TBX1: variants seen among roughly 807,000 people sequenced by gnomAD.
TBX1 encodes the protein T-box transcription factor 1.
In TBX1, 16 loss-of-function variants were observed where a neutral mutation model predicts 40.8. The ratio of observed to expected loss-of-function variants is 0.39; its 90% CI spans 0.27 to 0.60. The LOEUF is 0.60. Ranked by LOEUF, TBX1 falls within the 20% of genes least tolerant of loss-of-function variation. The probability of loss-of-function intolerance (pLI) is 0.51; values close to 1 mark genes in which losing one functional copy is unlikely to be tolerated. For synonymous variants in TBX1, 403 were observed against 336.8 expected (o/e 1.20, Z -2.15); for missense variants, 755 against 728.5 (o/e 1.04, Z -0.42).
intron 8 of TBX1, among the ~76,000 whole-genome samples, chr22:19,776,992 G>A (rs1302943675): frequency 6.6e-6 from 1 of 152,112 alleles, no homozygotes; most frequent in South Asian, 2.1e-4. Flanking sequence ...CCTGGGTAAC[G>A]CTCAATCCCA....
chr22:19,760,469 G>A (rs200559478), upstream of TBX1, among the ~76,000 whole-genome samples: 1 of 148,306 alleles, frequency 6.7e-6, no homozygotes, highest in African/African-American at 2.5e-5. Flanking sequence ...GGAAAAGAAC[G>A]TCTGGGAGAG....
At chr22:19,777,590 TGA>T (rs1234448194) in intron 8 of TBX1, among the ~76,000 whole-genome samples, 3 of 152,286 alleles carry the variant, frequency 2.0e-5, no homozygotes, top group African/African-American at 7.2e-5. Flanking sequence ...ATGGGGTGGC[TGA>T]GTTCTACTCT....
chr22:19,761,989 GTGTCTAA>G (rs1273555880), intron 1 of TBX1, among the ~76,000 whole-genome samples: 3 of 152,238 alleles, frequency 2.0e-5, no homozygotes, highest in African/African-American at 7.2e-5. Flanking sequence ...GTGCCGCGCT[GTGTCTAA>G]TGTACACACC....
intron 8 of TBX1, among the ~76,000 whole-genome samples, chr22:19,777,552 T>G (rs556327708): frequency 5.3e-4 from 80 of 152,292 alleles, no homozygotes; most frequent in Non-Finnish European, 9.8e-4. Flanking sequence ...GCAGCATGAT[T>G]TATAATCCTT....
In TBX1 at chr22:19,766,813, G is replaced by C. The variant is rs371506174; in HGVS notation, c.1461G>C (p.Met487Ile). ...AAAAAAAAAN[M>I]YSSAGAAPPG... is the part of the protein sequence containing the mutation. ...CCGCAGCTGCCGCGGCCGCCAACAT[G>C]TACTCGTCGGCCGGAGCCGCGCCGC... Residue 487 changes from methionine (M) to isoleucine (I), a missense_variant, in exon 7 of 7, where the codon ATG (methionine) becomes ATC (isoleucine). This residue lies in a region of TBX1 where 412 missense variants were observed against 317.6 expected (regional missense o/e 1.30). Transcript: ENST00000649276. 9.0e-6 allele frequency: 14 copies of C among 1,557,286 alleles called. No homozygotes were observed. Among genetic ancestry groups the C allele is most frequent in the Non-Finnish European group, 1.2e-5 (14 of 1,163,324 alleles).
chr22:19,763,781 C>T lies in TBX1; in HGVS notation c.540-374C>T, dbSNP rs915820069. 45 of 410,874 alleles carry T rather than the reference C, an allele frequency of 1.1e-4. No individual in the cohort carries two copies. The South Asian group carries it at 1.3e-3, about 12-fold the overall frequency. The allele number at this position is 410,874 out of a possible 1,614,324, so 25.5% of individuals were successfully genotyped here. A position where few individuals can be genotyped will look rare whatever the true frequency, so the allele number is the denominator to read the frequency against. On this transcript the variant is annotated intron_variant, in intron 2 of 6. Coordinates refer to ENST00000649276, the MANE Select transcript of TBX1 (RefSeq NM_001379200.1). ...GGGCCTCAGCTGCCCGGACAATTAA[C>T]AGCAATTAATAAAGAGAACGCGCAC... is the stretch of plus-strand genomic sequence containing the variant.
At chr22:19,781,367 C>T (rs1370751491), downstream of TBX1, among the ~76,000 whole-genome samples, 1 of 152,080 alleles carries the variant, frequency 6.6e-6, no homozygotes. Flanking sequence ...TACCACGGCA[C>T]CCAGGATGGC....
In TBX1 at chr22:19,761,031, C is replaced by G; in HGVS notation, c.188C>G (p.Ala63Gly). 1 of 890,222 alleles carries G rather than the reference C, an allele frequency of 1.1e-6. No individual in the cohort carries two copies. The highest frequency in any genetic ancestry group is 1.3e-6 in the Non-Finnish European group (1 of 746,302). 55.1% of individuals were successfully genotyped at this position (890,222 alleles called of 1,614,324 possible). A position where few individuals can be genotyped will look rare whatever the true frequency, so the allele number is the denominator to read the frequency against. Reference protein sequence around the residue: ...PPPPPRYDPCAAAAPGAPGPP... With the variant: ...PPPPPRYDPCGAAAPGAPGPP... ...CCGCCGCCGCGCTACGACCCGTGCG[C>G]CGCCGCCGCCCCCGGCGCCCCGGGC... Residue 63 changes from alanine (A) to glycine (G), a missense_variant, in exon 1 of 7, where the codon GCC (alanine) becomes GGC (glycine). Transcript: ENST00000649276.
chr22:19,765,494 C>T (rs1219649088), intron 4 of TBX1, among the ~76,000 whole-genome samples: 1 of 152,146 alleles, frequency 6.6e-6, no homozygotes, highest in African/African-American at 2.4e-5. Context: ...CCTGTCCCAG[C>T]GAGGAGCACA....
chr22:19,759,845 C>CGACA (rs1457643238), upstream of TBX1, among the ~76,000 whole-genome samples: 1 of 152,268 alleles, frequency 6.6e-6, no homozygotes, highest in Non-Finnish European at 1.5e-5. Flanking sequence ...CGCCCACAGC[C>CGACA]TGTCCCCTCA....
At chr22:19,782,941 AC>A, downstream of TBX1, 1 of 1,602,444 alleles carries the variant, frequency 6.2e-7, no homozygotes, top group African/African-American at 1.3e-5. Context: ...CTGGGCTCCA[AC>A]CTGGCTTGCT....
intron 8 of TBX1, among the ~76,000 whole-genome samples, chr22:19,773,205 C>T (rs891449883): frequency 6.6e-6 from 1 of 152,228 alleles, no homozygotes; most frequent in Admixed American, 6.5e-5. Context: ...AAACAAGCAG[C>T]TTTATTAAGA....
At chr22:19,759,682 G>A (rs1555895115), upstream of TBX1, 3 of 1,612,352 alleles carry the variant, frequency 1.9e-6, no homozygotes. Flanking sequence ...TGGAAGGTGA[G>A]CCTCCAGGCC....
chr22:19,771,666 G>C (rs988185469), downstream of TBX1, among the ~76,000 whole-genome samples: 1 of 152,188 alleles, frequency 6.6e-6, no homozygotes, highest in African/African-American at 2.4e-5. Context: ...CCTTCCTGCA[G>C]TGCAGACCCC....
chr22:19,783,181 C>T (rs891040524), downstream of TBX1: 11 of 667,948 alleles, frequency 1.6e-5, no homozygotes, highest in Non-Finnish European at 2.7e-5. Context: ...CCTAAATTCC[C>T]GACCCACGGA....
downstream of TBX1, among the ~76,000 whole-genome samples, chr22:19,768,754 A>G (rs1936934235): frequency 6.6e-6 from 1 of 152,082 alleles, no homozygotes; most frequent in African/African-American, 2.4e-5. Flanking sequence ...TCAGAGCTAA[A>G]GGGAGGAAAA....
chr22:19,766,611 T>C lies in TBX1; in HGVS notation c.1259T>C (p.Leu420Pro). 1 of 1,523,548 alleles carries C rather than the reference T, an allele frequency of 6.6e-7. No homozygotes were observed. The highest frequency in any genetic ancestry group is 1.4e-5 in the African/African-American group (1 of 69,936). The allele number at this position is 1,523,548 out of a possible 1,614,324, so 94.4% of individuals were successfully genotyped here. A position where few individuals can be genotyped will look rare whatever the true frequency, so the allele number is the denominator to read the frequency against. ...GAGGCGCCCGGCGCATCGGAGCCGCTGCACCACCACCCCTACAAATATCCG... is the reference window on the plus strand; with the variant it reads ...GAGGCGCCCGGCGCATCGGAGCCGCCGCACCACCACCCCTACAAATATCCG... ...RLEAPGASEP[L>P]HHHPYKYPAA... Residue 420 changes from leucine to proline, a missense_variant, in exon 7 of 7, where the codon CTG becomes CCG. By Grantham distance (98) the Leu-to-Pro change is moderately conservative. Transcript: ENST00000649276.
chr22:19,764,424 G>T, intron 3 of TBX1, 98 bp downstream of exon 3: 1 of 1,509,836 alleles, frequency 6.6e-7, no homozygotes, highest in East Asian at 2.3e-5. Flanking sequence ...CCAGGCCCCC[G>T]GCTGTCCCCA....
intron 2 of TBX1, 69 bp downstream of exon 2, chr22:19,763,411 G>T: frequency 6.9e-7 from 1 of 1,446,632 alleles, no homozygotes; most frequent in South Asian, 1.1e-5. Flanking sequence ...TCCGCCTGGT[G>T]ACCCAACTCC....
Sources: gnomAD v4.1 joint callset for allele counts (sites outside exome capture counted in the v4.1 genomes callset) on GRCh38, gnomAD v4.1.1 for gene constraint, gnomAD v4.1.1 regional missense constraint, MANE v1.5 for transcripts, NCBI Gene and HGNC (gene_info 2026-07-23, HGNC 2026-07-21) for gene names.